Variants in VPS13B observed in about 807,000 individuals in gnomAD.
VPS13B encodes the protein intermembrane lipid transfer protein VPS13B.
A neutral mutation model predicts 426.4 loss-of-function variants in VPS13B; 285 were observed. That is an observed-to-expected ratio of 0.67 (90% CI 0.61 to 0.74). VPS13B has a LOEUF of 0.74. Among genes scored for constraint, VPS13B ranks in the 30% least tolerant of loss-of-function variants. The pLI, the probability that VPS13B is intolerant of heterozygous loss-of-function variation, is 0.00. For synonymous variants in VPS13B, 1,676 were observed against 1,676.4 expected, an observed-to-expected ratio of 1.00 and a Z score of 0.01; for missense variants, 4,537 against 4,782.6, an observed-to-expected ratio of 0.95 and a Z score of 1.51.
chr8:99,697,119 G>T lies in VPS13B; in HGVS notation c.6047-2406G>T. On this transcript the variant is annotated intron_variant, in intron 35 of 61. Coordinates refer to ENST00000357162, the MANE Select transcript of VPS13B (RefSeq NM_152564.5). ...TACCTCCCAGAAACTCTTGCCAGCTGACCAGCTCAAGTCCATACTGCAGAC... is the reference window on the plus strand; with the variant it reads ...TACCTCCCAGAAACTCTTGCCAGCTTACCAGCTCAAGTCCATACTGCAGAC... 4 of 527,222 alleles carry T rather than the reference G, an allele frequency of 7.6e-6. No individual in the cohort carries two copies. The South Asian group carries it at 7.7e-5, about 10-fold the overall frequency. 32.7% of individuals were successfully genotyped at this position (527,222 alleles called of 1,614,324 possible). A position where few individuals can be genotyped will look rare whatever the true frequency, so the allele number is the denominator to read the frequency against.
intron 12 of VPS13B, among the ~76,000 whole-genome samples, chr8:99,137,150 A>G (rs746780118): frequency 1.3e-5 from 2 of 152,124 alleles, no homozygotes; most frequent in Non-Finnish European, 2.9e-5. Context: ...AAAATCTTCC[A>G]GAGACTTTAG....
intron 25 of VPS13B, among the ~76,000 whole-genome samples, chr8:99,492,808 A>G (rs1820685303): frequency 6.6e-6 from 1 of 151,604 alleles, no homozygotes; most frequent in African/African-American, 2.4e-5. Context: ...AAATCCCCCA[A>G]CCCCTTGCGC....
chr8:99,083,757 G>A (rs1588013330), intron 3 of VPS13B, among the ~76,000 whole-genome samples: 5 of 126,584 alleles, frequency 3.9e-5, no homozygotes, highest in Admixed American at 8.7e-5. Flanking sequence ...GATGGATTAC[G>A]TTTATTGATT....
chr8:99,490,868 A>AT (rs1328999671), intron 25 of VPS13B, among the ~76,000 whole-genome samples: 2 of 151,940 alleles, frequency 1.3e-5, no homozygotes, highest in African/African-American at 4.8e-5. Context: ...GGATTCACTG[A>AT]TTTTTTGAAG....
chr8:99,064,995 A>G (rs1310902601), intron 3 of VPS13B, among the ~76,000 whole-genome samples: 1 of 152,230 alleles, frequency 6.6e-6, no homozygotes, highest in African/African-American at 2.4e-5. Flanking sequence ...AGAATTTCAT[A>G]TCCAGCCAAA....
intron 61 of VPS13B, among the ~76,000 whole-genome samples, chr8:99,874,352 C>G (rs1817584967): frequency 6.6e-6 from 1 of 152,156 alleles, no homozygotes; most frequent in African/African-American, 2.4e-5. Context: ...CCGTTTTTCC[C>G]CAAGCTTAAA....
chr8:99,314,271 C>T (rs1821185423), intron 19 of VPS13B, among the ~76,000 whole-genome samples: 1 of 152,078 alleles, frequency 6.6e-6, no homozygotes, highest in Non-Finnish European at 1.5e-5. Context: ...ATGCTGGGAG[C>T]TGTAGACTGG....
chr8:99,724,733 A>G (rs1469574628), intron 39 of VPS13B, among the ~76,000 whole-genome samples: 2 of 152,066 alleles, frequency 1.3e-5, no homozygotes, highest in Non-Finnish European at 2.9e-5. Context: ...TGCCTAGACC[A>G]CTAAAAAAGA....
chr8:99,446,250 T>G (rs3134148), intron 23 of VPS13B, among the ~76,000 whole-genome samples: 41,797 of 151,976 alleles, frequency 0.28, 6,434 homozygotes, highest in East Asian at 0.44. Flanking sequence ...TTTTTTGAAA[T>G]ATATTTTCTG....
intron 3 of VPS13B, among the ~76,000 whole-genome samples, chr8:99,090,815 A>T (rs1269861125): frequency 6.6e-6 from 1 of 152,202 alleles, no homozygotes; most frequent in Non-Finnish European, 1.5e-5. Flanking sequence ...GGTAAAAATT[A>T]GATGGTAGAA....
intron 35 of VPS13B, among the ~76,000 whole-genome samples, chr8:99,688,518 C>T (rs1397124798): frequency 6.6e-6 from 1 of 151,966 alleles, no homozygotes; most frequent in African/African-American, 2.4e-5. Context: ...TGACTAAAGC[C>T]ACTTGGTGGA....
At chr8:99,310,465 T>C (rs1317685534) in intron 19 of VPS13B, among the ~76,000 whole-genome samples, 4 of 152,228 alleles carry the variant, frequency 2.6e-5, no homozygotes, top group East Asian at 3.8e-4. Context: ...TTGTCTTTGG[T>C]TCTGTTTATA....
intron 19 of VPS13B, among the ~76,000 whole-genome samples, chr8:99,338,933 G>T (rs1054223867): frequency 2.0e-5 from 3 of 152,050 alleles, no homozygotes; most frequent in Admixed American, 6.6e-5. Flanking sequence ...TGCAAATAGA[G>T]AATAATATAA....
intron 57 of VPS13B, 31 bp downstream of exon 57, chr8:99,859,511 T>A: frequency 6.2e-7 from 1 of 1,605,366 alleles, no homozygotes; most frequent in Non-Finnish European, 8.5e-7. Flanking sequence ...TAATAATGCC[T>A]TCACTCCTTC....
At position 99,778,685 on chromosome 8, in the gene VPS13B, C is replaced by A; in HGVS notation, c.7433C>A (p.Ala2478Glu). 1 of 1,613,692 alleles carries A rather than the reference C, an allele frequency of 6.2e-7. No individual in the cohort carries two copies. Among genetic ancestry groups the A allele is most frequent in the South Asian group, 1.1e-5 (1 of 91,064 alleles). The change falls in exon 42 of 62, where the codon GCA becomes GAA. Residue 2478 changes from alanine (A) to glutamate (E), a missense_variant. Transcript: ENST00000357162. ...TCCTTGTTTGTTTTCTCAACAGCTG[C>A]ACCACAGTACCTACAGCCATTTGTT... ...CHHLDQLGTA[A>E]PQYLQPFVSD...
chr8:99,594,148 T>G (rs1330616303), intron 33 of VPS13B, among the ~76,000 whole-genome samples: 1 of 151,714 alleles, frequency 6.6e-6, no homozygotes. Flanking sequence ...TTGTTGCAGA[T>G]AAGGTCTGTT....
At position 99,871,611 on chromosome 8, in the gene VPS13B, A is replaced by C; in HGVS notation, c.11659A>C (p.Thr3887Pro). ...EDTQQQAFPVTEIDCAQDSKQ... is the reference protein window; with the variant it reads ...EDTQQQAFPVPEIDCAQDSKQ... ...CACACAGCAGCAGGCCTTCCCCGTC[A>C]CAGAAATCGACTGTGCACAGGACAG... is the stretch of plus-strand genomic sequence containing the variant. Residue 3887 changes from threonine to proline, a missense_variant, in exon 61 of 62, where the codon ACA becomes CCA. Transcript: ENST00000357162. The C allele has an allele frequency of 6.2e-7, 1 of 1,614,182 alleles. No homozygotes were observed. The highest frequency in any genetic ancestry group is 8.5e-7 in the Non-Finnish European group (1 of 1,180,040).
At chr8:99,293,327 C>A (rs1271485966) in intron 19 of VPS13B, among the ~76,000 whole-genome samples, 1 of 115,092 alleles carries the variant, frequency 8.7e-6, no homozygotes, top group Non-Finnish European at 1.8e-5. Context: ...GCTGGGAAAA[C>A]TGGCTAGCCA....
At chr8:99,283,049 G>C (rs1020542302) in intron 19 of VPS13B, among the ~76,000 whole-genome samples, 2 of 152,112 alleles carry the variant, frequency 1.3e-5, no homozygotes, top group Non-Finnish European at 2.9e-5. Flanking sequence ...TCACCATTTG[G>C]AGTTGGTTGG....
Sources: gnomAD v4.1 joint callset for allele counts (sites outside exome capture counted in the v4.1 genomes callset) on GRCh38, gnomAD v4.1.1 for gene constraint, MANE v1.5 for transcripts, NCBI Gene and HGNC (gene_info 2026-07-23, HGNC 2026-07-21) for gene names.